LEMD1: variants seen among roughly 807,000 people sequenced by gnomAD.
The protein encoded by LEMD1 is LEM domain containing 1, also known as LEM domain-containing protein 1.
LEMD1 carries 18 observed loss-of-function variants against 17.4 expected under a neutral mutation model. The observed-to-expected ratio is 1.04, with a 90% CI of 0.72 to 1.54. The LOEUF (loss-of-function observed/expected upper bound fraction) is 1.54. LEMD1 is among the 40% of genes most tolerant of loss of function. The pLI is 0.00. For missense variants in LEMD1, 195 were observed against 210.4 expected, an observed-to-expected ratio of 0.93 and a Z score of 0.45; for synonymous variants, 88 against 77.8, an observed-to-expected ratio of 1.13 and a Z score of -0.69.
chr1:205,382,142 C>T (rs1254029279), intron 5 of LEMD1: 1 of 373,404 alleles, frequency 2.7e-6, no homozygotes, highest in Non-Finnish European at 4.9e-6. Flanking sequence ...GCTCGGACCA[C>T]AGGTACATGC....
chr1:205,382,269 G>A (rs1429065784), intron 5 of LEMD1: 2 of 177,580 alleles, frequency 1.1e-5, no homozygotes, highest in African/African-American at 4.8e-5. Flanking sequence ...CCAGGAGTTC[G>A]AAACCCTGTC....
chr1:205,422,173 T>C (rs1665984322), upstream of LEMD1: 1 of 152,188 alleles, frequency 6.6e-6, no homozygotes, highest in African/African-American at 2.4e-5. Context: ...AATCAGATGA[T>C]TAATTTAACC....
intron 4 of LEMD1, among the ~76,000 whole-genome samples, chr1:205,390,974 G>A (rs1279831252): frequency 2.0e-5 from 3 of 151,858 alleles, no homozygotes; most frequent in Middle Eastern, 6.8e-3. Flanking sequence ...CTACCTGGGC[G>A]ATGCGATCAT....
intron 4 of LEMD1, among the ~76,000 whole-genome samples, chr1:205,408,369 G>C (rs945771580): frequency 6.6e-6 from 1 of 152,042 alleles, no homozygotes; most frequent in Non-Finnish European, 1.5e-5. Context: ...TGTGGTACCA[G>C]GTACCAACTG....
At chr1:205,440,942 G>C (rs61824985) in intron 1 of LEMD1, 1 of 152,386 alleles carries the variant, frequency 6.6e-6, no homozygotes, top group African/African-American at 2.4e-5. Context: ...GCCGTCTCCC[G>C]CTCTCTGTGA....
At chr1:205,386,548 C>T (rs569626434) in intron 4 of LEMD1, 2 of 152,236 alleles carry the variant, frequency 1.3e-5, no homozygotes, top group South Asian at 4.1e-4. Flanking sequence ...TTGTGATCCG[C>T]CCGCCTCAGC....
chr1:205,427,939 CG>C (rs1181520415), intron 1 of LEMD1, among the ~76,000 whole-genome samples: 5 of 152,174 alleles, frequency 3.3e-5, no homozygotes, highest in African/African-American at 1.2e-4. Flanking sequence ...AGCATTATAA[CG>C]GTTCCTGGTA....
At chr1:205,388,804 C>T (rs1165857723) in intron 4 of LEMD1, among the ~76,000 whole-genome samples, 3 of 152,056 alleles carry the variant, frequency 2.0e-5, no homozygotes, top group Non-Finnish European at 2.9e-5. Context: ...CTTAATTTCT[C>T]GGATGAATTG....
intron 4 of LEMD1, among the ~76,000 whole-genome samples, chr1:205,398,507 T>G (rs1664692037): frequency 6.6e-6 from 1 of 152,144 alleles, no homozygotes; most frequent in Non-Finnish European, 1.5e-5. Flanking sequence ...CAGAAAGACA[T>G]TGAAATACAC....
At chr1:205,407,777 C>T (rs1044000997) in intron 4 of LEMD1, among the ~76,000 whole-genome samples, 2 of 152,094 alleles carry the variant, frequency 1.3e-5, no homozygotes, top group Non-Finnish European at 2.9e-5. Flanking sequence ...CATTTTAAGT[C>T]GGGGGCTGGA....
intron 4 of LEMD1, among the ~76,000 whole-genome samples, chr1:205,411,219 G>A (rs375881949): frequency 8.2e-5 from 11 of 134,786 alleles, no homozygotes; most frequent in African/African-American, 2.7e-4. Flanking sequence ...AGAAAGAAAG[G>A]AAGGAAGGAG....
intron 1 of LEMD1, among the ~76,000 whole-genome samples, chr1:205,429,895 G>A (rs906148414): frequency 3.9e-5 from 6 of 152,142 alleles, no homozygotes; most frequent in Non-Finnish European, 8.8e-5. Flanking sequence ...CCCAGCGAGG[G>A]CAGCCGGCAG....
intron 4 of LEMD1, 36 bp downstream of exon 4, chr1:205,416,196 T>C: frequency 1.5e-6 from 2 of 1,342,756 alleles, no homozygotes; most frequent in African/African-American, 2.9e-5. Flanking sequence ...TTTTAATATA[T>C]GGGTATAAGT....
chr1:205,449,589 G>GCA, intron 1 of LEMD1, among the ~76,000 whole-genome samples: 1 of 152,040 alleles, frequency 6.6e-6, no homozygotes, highest in South Asian at 2.1e-4. Context: ...GCACAGCACA[G>GCA]CACACAGCAC....
chr1:205,408,328 T>TACGC (rs1553395082), intron 4 of LEMD1, among the ~76,000 whole-genome samples: 1 of 148,790 alleles, frequency 6.7e-6, no homozygotes, highest in African/African-American at 2.5e-5. Context: ...AATGGTAGGG[T>TACGC]ACACACACAC....
intron 4 of LEMD1, among the ~76,000 whole-genome samples, chr1:205,412,797 A>G (rs913764239): frequency 9.9e-5 from 15 of 152,196 alleles, no homozygotes; most frequent in Admixed American, 8.5e-4. Flanking sequence ...TCTATTGCCA[A>G]TTCAAAATAT....
At chr1:205,414,075 G>C (rs548181548) in intron 4 of LEMD1, among the ~76,000 whole-genome samples, 181 of 152,258 alleles carry the variant, frequency 1.2e-3, no homozygotes, top group African/African-American at 4.1e-3. Flanking sequence ...GAGAGGTGCA[G>C]AAACAAGGTA....
At position 205,381,556 on chromosome 1, in the gene LEMD1, G is replaced by A. The variant is rs1487020964; in HGVS notation, c.*102C>T. Reference sequence around the variant, plus strand: ...AGCACAGTGCAAGGGAAGGCTCCCTGCAAGGGAGGGCTGCAGGCTAGGCTG... The same window carrying A: ...AGCACAGTGCAAGGGAAGGCTCCCTACAAGGGAGGGCTGCAGGCTAGGCTG... On this transcript the variant is annotated 3_prime_UTR_variant, in exon 6 of 6. Coordinates refer to ENST00000367153, the MANE Select transcript of LEMD1 (RefSeq NM_001199050.2). The A allele has an allele frequency of 9.6e-6, 11 of 1,140,940 alleles. No individual in the cohort carries two copies. The highest frequency in any genetic ancestry group is 1.4e-5 in the Non-Finnish European group (11 of 759,574). The allele number at this position is 1,140,940 out of a possible 1,614,324, so 70.7% of individuals were successfully genotyped here.
intron 4 of LEMD1, chr1:205,386,309 C>CTTTT (rs10645710): frequency 0.063 from 9,073 of 144,564 alleles, 409 homozygotes; most frequent in East Asian, 0.11. Flanking sequence ...GTGCCCCCTT[C>CTTTT]TTTTTTTTTT....
Sources: allele counts gnomAD v4.1 joint callset (sites outside exome capture counted in the v4.1 genomes callset), GRCh38; gene constraint gnomAD v4.1.1; transcripts MANE v1.5; gene names NCBI Gene and HGNC (gene_info 2026-07-23, HGNC 2026-07-21).